Variants in HFM1 observed in about 807,000 individuals in gnomAD.
HFM1 encodes probable ATP-dependent DNA helicase HFM1.
A neutral mutation model predicts 192.1 loss-of-function variants in HFM1; 169 were observed. That is an observed-to-expected ratio of 0.88 (90% CI 0.78 to 1.00). The LOEUF is 1.00. Among genes scored for constraint, HFM1 ranks in the 50% least tolerant of loss-of-function variants. The probability of loss-of-function intolerance (pLI) is 0.00; values close to 1 mark genes in which losing one functional copy is unlikely to be tolerated. For missense variants in HFM1, 1,661 were observed against 1,668.0 expected (o/e 1.00, Z 0.07); for synonymous variants, 525 against 537.8 (o/e 0.98, Z 0.33).
intron 23 of HFM1, among the ~76,000 whole-genome samples, chr1:91,321,917 T>C (rs939653081): frequency 6.6e-6 from 1 of 152,192 alleles, no homozygotes; most frequent in Non-Finnish European, 1.5e-5. Context: ...TTTGACTCAA[T>C]AATTTATGCA....
At chr1:91,317,484 A>C (rs557496593) in intron 25 of HFM1, among the ~76,000 whole-genome samples, 1 of 152,284 alleles carries the variant, frequency 6.6e-6, no homozygotes, top group African/African-American at 2.4e-5. Context: ...ATTTCCTTAT[A>C]CTTTCAGAAG....
intron 34 of HFM1, among the ~76,000 whole-genome samples, chr1:91,268,566 C>T (rs1195038069): frequency 6.6e-6 from 1 of 151,952 alleles, no homozygotes; most frequent in African/African-American, 2.4e-5. Flanking sequence ...TTTAGTTGTA[C>T]AGTTTTACAC....
At chr1:91,297,839 G>GA (rs780788387) in intron 30 of HFM1, among the ~76,000 whole-genome samples, 6 of 152,136 alleles carry the variant, frequency 3.9e-5, no homozygotes, top group Non-Finnish European at 8.8e-5. Flanking sequence ...CAAAGATGGG[G>GA]AAAAAACAGA....
intron 35 of HFM1, among the ~76,000 whole-genome samples, chr1:91,267,001 T>TG (rs910654080): frequency 2.6e-5 from 4 of 152,128 alleles, no homozygotes; most frequent in Admixed American, 2.6e-4. Context: ...AGGTGGGGTA[T>TG]GGTAAGTGGT....
chr1:91,299,596 A>C (rs1047848656), intron 30 of HFM1, among the ~76,000 whole-genome samples: 2 of 152,244 alleles, frequency 1.3e-5, no homozygotes, highest in African/African-American at 4.8e-5. Context: ...CTCAGACCAC[A>C]GTGCAATCAA....
At chr1:91,328,304 C>T in intron 20 of HFM1, 2 of 1,325,116 alleles carry the variant, frequency 1.5e-6, no homozygotes, top group African/African-American at 3.0e-5. Flanking sequence ...GACCGCCTGC[C>T]CAGGGCAACC....
intron 16 of HFM1, 85 bp from the exon 17 acceptor site, chr1:91,351,728 T>C (rs1239981416): frequency 8.2e-6 from 5 of 606,800 alleles, no homozygotes; most frequent in Non-Finnish European, 1.5e-5. Flanking sequence ...TTCCATTTTA[T>C]ATTAAACAGT....
At chr1:91,361,207 G>A (rs939812796) in intron 13 of HFM1, among the ~76,000 whole-genome samples, 27 of 150,946 alleles carry the variant, frequency 1.8e-4, no homozygotes, top group African/African-American at 6.1e-4. Flanking sequence ...GAGCTGAACC[G>A]AAGGAGATAG....
Position 91,380,989 on chromosome 1 carries a change from A to G in HFM1, c.803-7T>C, listed in dbSNP as rs937030185. 7 of 1,331,986 alleles carry G rather than the reference A, an allele frequency of 5.3e-6. No homozygotes were observed. In the Middle Eastern group the frequency reaches 5.5e-4, roughly 104 times the overall value. 82.5% of individuals were successfully genotyped at this position (1,331,986 alleles called of 1,614,324 possible). A position where few individuals can be genotyped will look rare whatever the true frequency, so the allele number is the denominator to read the frequency against. ...ATACTTCTAAATTTTGCCGCTTACA[A>G]TAACATTAAGGAGTCAAATATTTCA... On this transcript the variant is annotated splice_polypyrimidine_tract_variant and splice_region_variant and intron_variant, in intron 6 of 38. Transcript: ENST00000370425.
chr1:91,406,739 A>G (rs1026528544), upstream of HFM1, among the ~76,000 whole-genome samples: 2 of 152,236 alleles, frequency 1.3e-5, no homozygotes, highest in Non-Finnish European at 2.9e-5. Context: ...ATGACTGCAT[A>G]AAGAGCTTTG....
chr1:91,290,993 T>C (rs1668675873), intron 30 of HFM1, among the ~76,000 whole-genome samples: 1 of 152,176 alleles, frequency 6.6e-6, no homozygotes, highest in Admixed American at 6.5e-5. Context: ...AAGATGTTCT[T>C]TGAAACCAAC....
At chr1:91,272,353 T>C (rs181080439) in intron 34 of HFM1, among the ~76,000 whole-genome samples, 4 of 151,816 alleles carry the variant, frequency 2.6e-5, no homozygotes, top group Admixed American at 2.0e-4. Flanking sequence ...ACTTAACTAC[T>C]ATACCATGCA....
At chr1:91,270,582 A>G (rs7538375) in intron 34 of HFM1, among the ~76,000 whole-genome samples, 15,191 of 151,822 alleles carry the variant, frequency 0.1, 1,096 homozygotes, top group African/African-American at 0.2. Flanking sequence ...AATAAAAAAA[A>G]AAAAAAGAAA....
intron 34 of HFM1, among the ~76,000 whole-genome samples, chr1:91,272,212 A>ATCTCATT (rs1251369104): frequency 2.0e-5 from 3 of 152,134 alleles, no homozygotes; most frequent in Non-Finnish European, 4.4e-5. Context: ...TACATGCATT[A>ATCTCATT]TCTCATTTAA....
chr1:91,310,881 C>T (rs1322189480), intron 30 of HFM1, among the ~76,000 whole-genome samples: 3 of 152,132 alleles, frequency 2.0e-5, no homozygotes, highest in African/African-American at 7.2e-5. Context: ...ATGTCTTTAT[C>T]AGCAGTGTGA....
intron 4 of HFM1, among the ~76,000 whole-genome samples, chr1:91,386,133 T>C (rs1662191855): frequency 2.0e-5 from 3 of 152,202 alleles, no homozygotes; most frequent in African/African-American, 7.2e-5. Flanking sequence ...GAATCAGGAC[T>C]GGCCTGTCTA....
chr1:91,355,032 G>A (rs1657523132), intron 13 of HFM1, among the ~76,000 whole-genome samples: 1 of 152,070 alleles, frequency 6.6e-6, no homozygotes. Flanking sequence ...CAGCTACAAT[G>A]AGTTGTTAAG....
intron 30 of HFM1, among the ~76,000 whole-genome samples, chr1:91,288,331 A>C (rs1278267040): frequency 2.6e-5 from 4 of 151,862 alleles, no homozygotes; most frequent in Non-Finnish European, 4.4e-5. Context: ...GAAACTCTAC[A>C]AGCCAGAAGA....
rs71087940 is a variant in HFM1, at chr1:91,264,361, A to ATTTTTTTTTTTTTT, written c.3974+1642_3974+1655dup. Among the ~76,000 whole-genome samples the ATTTTTTTTTTTTTT allele has an allele frequency of 1.6e-3, 89 of 57,088 alleles. 13 individuals carry two copies. Among genetic ancestry groups the ATTTTTTTTTTTTTT allele is most frequent in the African/African-American group, 4.3e-3 (55 of 12,666 alleles). The allele number at this position is 57,088 out of a possible 152,430, so 37.5% of individuals were successfully genotyped here. On this transcript the variant is annotated intron_variant, in intron 36 of 38. Coordinates refer to ENST00000370425, the MANE Select transcript of HFM1 (RefSeq NM_001017975.6). Reference sequence around the variant, plus strand: ...TTCCAAGGGATACCACAAATTTAGTATTTTTTTTTTTTTTTTTTTTTTTTT... The same window carrying ATTTTTTTTTTTTTT: ...TTCCAAGGGATACCACAAATTTAGTATTTTTTTTTTTTTTTTTTTTTTTTTTTTTTTTTTTTTTT...
Sources: allele counts gnomAD v4.1 joint callset (sites outside exome capture counted in the v4.1 genomes callset), GRCh38; gene constraint gnomAD v4.1.1; transcripts MANE v1.5; gene names NCBI Gene and HGNC (gene_info 2026-07-23, HGNC 2026-07-21).